KIF26B: variants seen among roughly 807,000 people sequenced by gnomAD.
KIF26B encodes the protein kinesin family member 26B, also known as kinesin-like protein KIF26B.
KIF26B carries 63 observed loss-of-function variants against 151.2 expected under a neutral mutation model. The ratio of observed to expected loss-of-function variants is 0.42; its 90% CI spans 0.34 to 0.51. KIF26B has a LOEUF of 0.51. Among genes scored for constraint, KIF26B ranks in the 20% least tolerant of loss-of-function variants. The pLI, the probability that KIF26B is intolerant of heterozygous loss-of-function variation, is 0.07. For missense variants in KIF26B, 2,813 were observed against 2,913.6 expected (o/e 0.97, Z 0.79); for synonymous variants, 1,357 against 1,262.1 (o/e 1.08, Z -1.59).
chr1:245,533,670 G>T (rs746727323), intron 4 of KIF26B, among the ~76,000 whole-genome samples: 1 of 152,094 alleles, frequency 6.6e-6, no homozygotes, highest in Non-Finnish European at 1.5e-5. Flanking sequence ...TAGACACTAA[G>T]GATAGGAGAT....
chr1:245,597,640 G>A lies in KIF26B; in HGVS notation c.1351-4937G>A, dbSNP rs2043348356. ...GCTCTTCTCGAGGAGTATCTTTTTGGTGTTCTCTATATATTCTGAATTTAA... is the reference window on the plus strand; with the variant it reads ...GCTCTTCTCGAGGAGTATCTTTTTGATGTTCTCTATATATTCTGAATTTAA... On this transcript the variant is annotated intron_variant, in intron 5 of 14. Coordinates refer to ENST00000407071, the MANE Select transcript of KIF26B (RefSeq NM_018012.4). The surrounding 1 kb of genome is among the most constrained non-coding windows in gnomAD (Gnocchi z 4.6). 6.6e-6 allele frequency among the ~76,000 whole-genome samples: 1 copy of A among 152,050 alleles called. No homozygotes were observed. Among genetic ancestry groups the A allele is most frequent in the Non-Finnish European group, 1.5e-5 (1 of 68,014 alleles).
chr1:245,527,343 T>TCCATGAGG (rs1661258246), intron 4 of KIF26B, among the ~76,000 whole-genome samples: 1 of 152,112 alleles, frequency 6.6e-6, no homozygotes, highest in Non-Finnish European at 1.5e-5. Flanking sequence ...GAATGGACTT[T>TCCATGAGG]AATTAGCCGG....
chr1:245,678,867 A>AAC (rs2044390604), intron 10 of KIF26B, among the ~76,000 whole-genome samples: 1 of 122,776 alleles, frequency 8.1e-6, no homozygotes, highest in Admixed American at 9.1e-5. Context: ...CGTCTCAAAA[A>AAC]AGAAAAAAAA....
chr1:245,405,532 G>A, intron 3 of KIF26B, among the ~76,000 whole-genome samples: 1 of 152,020 alleles, frequency 6.6e-6, no homozygotes, highest in East Asian at 1.9e-4. Flanking sequence ...GTAGAACTGA[G>A]CCCCTGGCTT....
rs61319628 is a variant in KIF26B at position 245,658,552 on chromosome 1, G to T, written c.2258+12272G>T. ...ACTACAGGTGTGCACCACCATGCCTGGCTAATAGTTTATATTTTTTGTAGA... is the reference window on the plus strand; with the variant it reads ...ACTACAGGTGTGCACCACCATGCCTTGCTAATAGTTTATATTTTTTGTAGA... On this transcript the variant is annotated intron_variant, in intron 10 of 14. Coordinates refer to ENST00000407071, the MANE Select transcript of KIF26B (RefSeq NM_018012.4). Among the ~76,000 whole-genome samples, 876 of 152,138 alleles carry T rather than the reference G, an allele frequency of 5.8e-3. 13 individuals carry two copies. Among genetic ancestry groups the T allele is most frequent in the African/African-American group, 0.02 (831 of 41,512 alleles).
At chr1:245,462,233 CAT>C (rs1441424733) in intron 4 of KIF26B, among the ~76,000 whole-genome samples, 2 of 152,124 alleles carry the variant, frequency 1.3e-5, no homozygotes, top group African/African-American at 4.8e-5. Context: ...TGCAAAACTC[CAT>C]GAGTTGACCT....
chr1:245,451,357 T>G (rs1418172329), intron 4 of KIF26B, among the ~76,000 whole-genome samples: 1 of 152,034 alleles, frequency 6.6e-6, no homozygotes, highest in Non-Finnish European at 1.5e-5. Flanking sequence ...AATTACTTAA[T>G]ATCAAATTTT....
Position 245,605,356 on chromosome 1 carries a change from G to A in KIF26B, c.1558-2295G>A, listed in dbSNP as rs377128434. On this transcript the variant is annotated intron_variant, in intron 6 of 14. Transcript: ENST00000407071. ...GAGCCCCCAAGCCTGAAAGGAGGGA[G>A]TGTGCGGAGTGGGCCTGTGCTCTCC... 2.2e-4 allele frequency among the ~76,000 whole-genome samples: 34 copies of A among 152,342 alleles called. No homozygotes were observed. The East Asian group carries it at 6.6e-3, about 29-fold the overall frequency.
chr1:245,702,424 T>A lies in KIF26B; in HGVS notation c.6179-34T>A. 6.2e-7 allele frequency: 1 copy of A among 1,612,498 alleles called. No homozygotes were observed. Among genetic ancestry groups the A allele is most frequent in the Non-Finnish European group, 8.5e-7 (1 of 1,178,852 alleles). On this transcript the variant is annotated intron_variant, in intron 14 of 14. Coordinates refer to ENST00000407071, the MANE Select transcript of KIF26B (RefSeq NM_018012.4). This position sits in a 1 kb window ranked among gnomAD's most constrained non-coding sequence, Gnocchi z 4.1. ...GGGAGTTGCTTCTCACCCTGTTTGC[T>A]CTGCGTCTCCATCAGGCTCTTCCTC...
chr1:245,668,248 T>C (rs2044239732), intron 10 of KIF26B, among the ~76,000 whole-genome samples: 1 of 152,198 alleles, frequency 6.6e-6, no homozygotes, highest in Non-Finnish European at 1.5e-5. Flanking sequence ...ACGGCTCAGT[T>C]AGGGTCTTGC....
chr1:245,581,399 G>A (rs539268651), intron 5 of KIF26B, among the ~76,000 whole-genome samples: 1 of 152,138 alleles, frequency 6.6e-6, no homozygotes, highest in Admixed American at 6.5e-5. Flanking sequence ...GATGAAGAAA[G>A]AAAGAAAGAT....
Position 245,707,067 on chromosome 1 carries a change from C to A in KIF26B, c.*4461C>A, listed in dbSNP as rs886244806. On this transcript the variant is annotated 3_prime_UTR_variant, in exon 15 of 15. Transcript: ENST00000407071. ...TTCATTATTTCCATCATAATGCAAG[C>A]GTAATTCTAATCCGGGAGAAGATAC... is the stretch of plus-strand genomic sequence containing the variant. 1 of 152,120 alleles carries A rather than the reference C, an allele frequency of 6.6e-6. No individual in the cohort carries two copies. The highest frequency in any genetic ancestry group is 1.5e-5 in the Non-Finnish European group (1 of 68,038). 9.4% of individuals were successfully genotyped at this position (152,120 alleles called of 1,614,324 possible).
At chr1:245,380,862 T>A (rs903606353) in intron 3 of KIF26B, among the ~76,000 whole-genome samples, 14 of 151,690 alleles carry the variant, frequency 9.2e-5, no homozygotes, top group African/African-American at 3.4e-4. Flanking sequence ...TGCATAGCAG[T>A]TTAGAACTCA....
intron 2 of KIF26B, among the ~76,000 whole-genome samples, chr1:245,243,443 TATATACACACAC>T (rs1315325497): frequency 1.4e-5 from 2 of 143,430 alleles, no homozygotes; most frequent in Non-Finnish European, 3.1e-5. Flanking sequence ...TACATATATA[TATATACACACAC>T]ACACACACAC....
chr1:245,174,782 A>G (rs1573688454), intron 2 of KIF26B, among the ~76,000 whole-genome samples: 2 of 152,154 alleles, frequency 1.3e-5, no homozygotes, highest in African/African-American at 4.8e-5. Flanking sequence ...TCTTCTGCCT[A>G]TTCTTTGGCT....
Position 245,488,884 on chromosome 1 carries a change from G to C in KIF26B, c.1167-51883G>C, listed in dbSNP as rs1014009054. Among the ~76,000 whole-genome samples, 1 of 152,192 alleles carries C rather than the reference G, an allele frequency of 6.6e-6. No homozygotes were observed. Among genetic ancestry groups the C allele is most frequent in the African/African-American group, 2.4e-5 (1 of 41,458 alleles). On this transcript the variant is annotated intron_variant, in intron 4 of 14. Transcript: ENST00000407071. This position sits in a 1 kb window ranked among gnomAD's most constrained non-coding sequence, Gnocchi z 4.6. ...CTTTATGCCTTAGGCTAGGTTTGCA[G>C]TTGGTAGATGCAAAATATGCTGATA...
intron 2 of KIF26B, among the ~76,000 whole-genome samples, chr1:245,296,074 C>A (rs1212779812): frequency 6.6e-6 from 1 of 152,086 alleles, no homozygotes; most frequent in Non-Finnish European, 1.5e-5. Context: ...TGTTTGCCAG[C>A]CTAAAATGCT....
At chr1:245,217,221 A>G (rs943911745) in intron 2 of KIF26B, among the ~76,000 whole-genome samples, 5 of 152,222 alleles carry the variant, frequency 3.3e-5, no homozygotes, top group African/African-American at 2.4e-5. Context: ...AGAACAACAA[A>G]AACCTCCACC....
chr1:245,595,060 T>C (rs2043325863), intron 5 of KIF26B, among the ~76,000 whole-genome samples: 1 of 152,240 alleles, frequency 6.6e-6, no homozygotes. Flanking sequence ...TAAGGAGATT[T>C]TGGGCTGAGA....
Sources: allele counts gnomAD v4.1 joint callset (sites outside exome capture counted in the v4.1 genomes callset), GRCh38; gene constraint gnomAD v4.1.1; non-coding constraint Gnocchi (gnomAD v3.1); transcripts MANE v1.5; gene names NCBI Gene and HGNC (gene_info 2026-07-23, HGNC 2026-07-21).